The following CHST11 variants were observed in gnomAD, a reference collection of about 807,000 sequenced individuals.
CHST11 encodes C4S-1.
CHST11 carries 9 observed loss-of-function variants against 30.4 expected under a neutral mutation model. The ratio of observed to expected loss-of-function variants is 0.30; its 90% CI spans 0.18 to 0.52. The LOEUF (loss-of-function observed/expected upper bound fraction) is 0.52. CHST11 is among the 20% of genes least tolerant of loss of function. CHST11 has a pLI of 0.97. For synonymous variants in CHST11, 152 were observed against 187.8 expected, an observed-to-expected ratio of 0.81 and a Z score of 1.56; for missense variants, 348 against 460.6, an observed-to-expected ratio of 0.76 and a Z score of 2.24.
intron 2 of CHST11, among the ~76,000 whole-genome samples, chr12:104,646,457 G>C (rs1037692719): frequency 1.3e-5 from 2 of 152,086 alleles, no homozygotes; most frequent in African/African-American, 4.8e-5. Flanking sequence ...TTTCTGGCCG[G>C]GTGCAGTGGC....
chr12:104,571,706 A>C (rs1231058778), intron 1 of CHST11, among the ~76,000 whole-genome samples: 1 of 152,194 alleles, frequency 6.6e-6, no homozygotes, highest in Non-Finnish European at 1.5e-5. Flanking sequence ...AAAACAGTGC[A>C]AGATGTATTA....
intron 1 of CHST11, among the ~76,000 whole-genome samples, chr12:104,595,702 G>A (rs2038901220): frequency 6.6e-6 from 1 of 152,152 alleles, no homozygotes; most frequent in African/African-American, 2.4e-5. Flanking sequence ...CCATGGACCA[G>A]GCTAGTTGAG....
At chr12:104,615,053 C>T (rs537576869) in intron 2 of CHST11, among the ~76,000 whole-genome samples, 3 of 152,292 alleles carry the variant, frequency 2.0e-5, no homozygotes, top group African/African-American at 4.8e-5. Flanking sequence ...TCTGCATTAC[C>T]GCACTGGGAG....
At chr12:104,469,428 A>G (rs2037486974) in intron 1 of CHST11, among the ~76,000 whole-genome samples, 1 of 152,220 alleles carries the variant, frequency 6.6e-6, no homozygotes, top group Non-Finnish European at 1.5e-5. Context: ...TTGGGAAATA[A>G]CAGGCACTGG....
intron 2 of CHST11, among the ~76,000 whole-genome samples, chr12:104,723,357 G>A (rs1248836279): frequency 3.3e-5 from 5 of 152,306 alleles, no homozygotes; most frequent in Admixed American, 2.0e-4. Flanking sequence ...ACAGCCTGGC[G>A]GGCGGGGTGG....
chr12:104,540,227 T>TA (rs2038274124), intron 1 of CHST11, among the ~76,000 whole-genome samples: 1 of 152,226 alleles, frequency 6.6e-6, no homozygotes, highest in Non-Finnish European at 1.5e-5. Flanking sequence ...AACTCATGAA[T>TA]ATGGAGGCTG....
chr12:104,659,458 C>T (rs1372131437), intron 2 of CHST11, among the ~76,000 whole-genome samples: 2 of 152,202 alleles, frequency 1.3e-5, no homozygotes, highest in African/African-American at 4.8e-5. Context: ...CAGAGCTGTG[C>T]TGCTCAGGGT....
At chr12:104,732,224 C>A (rs191233461) in intron 2 of CHST11, among the ~76,000 whole-genome samples, 16 of 152,308 alleles carry the variant, frequency 1.1e-4, no homozygotes, top group Admixed American at 4.6e-4. Flanking sequence ...ATGGACCTGG[C>A]TGTGCCAGGA....
intron 2 of CHST11, among the ~76,000 whole-genome samples, chr12:104,708,695 A>G (rs1334233883): frequency 2.0e-5 from 3 of 152,144 alleles, no homozygotes; most frequent in Non-Finnish European, 4.4e-5. Flanking sequence ...CCCCTCTGAC[A>G]GGGACGCTCT....
At chr12:104,706,102 T>C (rs10861271) in intron 2 of CHST11, among the ~76,000 whole-genome samples, 27,037 of 149,310 alleles carry the variant, frequency 0.18, 3,101 homozygotes, top group South Asian at 0.34. Context: ...AGATAGATAT[T>C]GGTGGGTACA....
chr12:104,642,348 T>C (rs1157616212), intron 2 of CHST11, among the ~76,000 whole-genome samples: 1 of 152,228 alleles, frequency 6.6e-6, no homozygotes, highest in Admixed American at 6.5e-5. Flanking sequence ...ATTGTATCAT[T>C]GTAAAGACAG....
chr12:104,591,471 T>C (rs778381696), intron 1 of CHST11, among the ~76,000 whole-genome samples: 4 of 146,474 alleles, frequency 2.7e-5, no homozygotes, highest in Non-Finnish European at 6.0e-5. Flanking sequence ...AAAGGGAATT[T>C]AAGAAAATTC....
chr12:104,738,607 A>C (rs564136460), intron 2 of CHST11, among the ~76,000 whole-genome samples: 61 of 152,338 alleles, frequency 4.0e-4, no homozygotes, highest in African/African-American at 1.2e-3. Context: ...GGGCACGTGC[A>C]ACTCCCTCCT....
rs971364510 is a variant in CHST11, at chr12:104,760,919, T to G, written c.*3116T>G. On this transcript the variant is annotated 3_prime_UTR_variant, in exon 3 of 3. Coordinates refer to ENST00000303694, the MANE Select transcript of CHST11 (RefSeq NM_018413.6). ...AGTTTGTGTTTTTTAAAGAGGAATA[T>G]TTGAAACTGCTTTCTATGCATGCTT... 1 of 152,342 alleles carries G rather than the reference T, an allele frequency of 6.6e-6. No homozygotes were observed. The highest frequency in any genetic ancestry group is 1.9e-4 in the East Asian group (1 of 5,184). 9.4% of individuals were successfully genotyped at this position (152,342 alleles called of 1,614,324 possible).
chr12:104,571,576 A>T (rs2038626302), intron 1 of CHST11, among the ~76,000 whole-genome samples: 1 of 152,172 alleles, frequency 6.6e-6, no homozygotes, highest in African/African-American at 2.4e-5. Context: ...TTGATCAGAG[A>T]GGGTCATGGC....
chr12:104,546,523 G>T (rs2038351781), intron 1 of CHST11, among the ~76,000 whole-genome samples: 2 of 151,904 alleles, frequency 1.3e-5, no homozygotes, highest in Admixed American at 1.3e-4. Flanking sequence ...AGCATAATAA[G>T]GGATAGTCTG....
At position 104,761,619 on chromosome 12, in the gene CHST11, A is replaced by G. The variant is rs1007969141; in HGVS notation, c.*3816A>G. The G allele has an allele frequency of 6.6e-6, 1 of 152,134 alleles. No individual in the cohort carries two copies. Among genetic ancestry groups the G allele is most frequent in the African/African-American group, 2.4e-5 (1 of 41,338 alleles). 9.4% of individuals were successfully genotyped at this position (152,134 alleles called of 1,614,324 possible). A position where few individuals can be genotyped will look rare whatever the true frequency, so the allele number is the denominator to read the frequency against. On this transcript the variant is annotated 3_prime_UTR_variant, in exon 3 of 3. Coordinates refer to ENST00000303694, the MANE Select transcript of CHST11 (RefSeq NM_018413.6). ...GTTCCCACCACCAGCATTTCCTCCA[A>G]CCTTTTTCCATCACAACCAGTTAGA... is the stretch of plus-strand genomic sequence containing the variant.
At chr12:104,756,533 GT>G (rs2040476700) in intron 2 of CHST11, among the ~76,000 whole-genome samples, 2 of 15,496 alleles carry the variant, frequency 1.3e-4, no homozygotes, top group African/African-American at 1.2e-3. Flanking sequence ...TCCATGTGGG[GT>G]GTGTGTGTGT....
chr12:104,597,378 G>A (rs891124991), intron 1 of CHST11, among the ~76,000 whole-genome samples: 6 of 152,174 alleles, frequency 3.9e-5, no homozygotes, highest in African/African-American at 1.4e-4. Flanking sequence ...AACTCCCAGT[G>A]GGCGGGGTGG....
Sources: allele counts gnomAD v4.1 joint callset (sites outside exome capture counted in the v4.1 genomes callset), GRCh38; gene constraint gnomAD v4.1.1; transcripts MANE v1.5; gene names NCBI Gene and HGNC (gene_info 2026-07-23, HGNC 2026-07-21).